Variants in SEC61A1 observed in about 807,000 individuals in gnomAD.
The protein encoded by SEC61A1 is protein transport protein Sec61 subunit alpha isoform 1.
SEC61A1 carries 15 observed loss-of-function variants against 55.2 expected under a neutral mutation model. The ratio of observed to expected loss-of-function variants is 0.27; its 90% CI spans 0.18 to 0.42. The LOEUF (loss-of-function observed/expected upper bound fraction) is 0.42. SEC61A1 is among the 10% of genes least tolerant of loss of function. The probability of loss-of-function intolerance (pLI) is 1.00; values close to 1 mark genes in which losing one functional copy is unlikely to be tolerated. For missense variants in SEC61A1, 284 were observed against 602.6 expected, an observed-to-expected ratio of 0.47 and a Z score of 5.53; for synonymous variants, 247 against 234.0, an observed-to-expected ratio of 1.06 and a Z score of -0.51.
At chr3:128,064,779 A>C in intron 7 of SEC61A1, 98 bp from the exon 8 acceptor site, 2 of 1,065,428 alleles carry the variant, frequency 1.9e-6, no homozygotes, top group South Asian at 3.1e-5. Flanking sequence ...CTAATAACTT[A>C]AGTTTGTTTT....
rs1049622401 is a variant in SEC61A1 at position 128,067,850 on chromosome 3, G to A, written c.1168-133G>A. 45 of 774,546 alleles carry A rather than the reference G, an allele frequency of 5.8e-5. No individual in the cohort carries two copies. The Middle Eastern group carries it at 9.5e-4, about 16-fold the overall frequency. The allele number at this position is 774,546 out of a possible 1,614,324, so 48.0% of individuals were successfully genotyped here. A position where few individuals can be genotyped will look rare whatever the true frequency, so the allele number is the denominator to read the frequency against. ...AGACTTTTTCATATGACTTCCTTGCGGCAGTTTTAAAGTTCTCTGTATGAA... is the reference window on the plus strand; with the variant it reads ...AGACTTTTTCATATGACTTCCTTGCAGCAGTTTTAAAGTTCTCTGTATGAA... On this transcript the variant is annotated intron_variant, in intron 10 of 11. Transcript: ENST00000243253. The surrounding 1 kb of genome is among the most constrained non-coding windows in gnomAD (Gnocchi z 4.1).
intron 2 of SEC61A1, 23 bp downstream of exon 2, chr3:128,052,925 AAAG>A: frequency 1.3e-6 from 2 of 1,595,976 alleles, no homozygotes; most frequent in Non-Finnish European, 1.7e-6. Context: ...AATCGCCAAC[AAAG>A]AAGGTTTCAG....
chr3:128,064,393 C>G (rs59766347), intron 7 of SEC61A1, among the ~76,000 whole-genome samples: 95,384 of 151,978 alleles, frequency 0.63, 30,056 homozygotes, highest in East Asian at 0.8. Context: ...GTAATCCCAA[C>G]ACTTTGGGAG....
chr3:128,057,884 G>GAAA (rs1941796579), intron 5 of SEC61A1, among the ~76,000 whole-genome samples: 2 of 151,902 alleles, frequency 1.3e-5, no homozygotes, highest in African/African-American at 4.8e-5. Flanking sequence ...TTTAACTGAA[G>GAAA]AAAAGGTGAT....
In SEC61A1 at chr3:128,067,672, G is replaced by C. The variant is rs1576426107; in HGVS notation, c.1167+60G>C. On this transcript the variant is annotated intron_variant, in intron 10 of 11. Transcript: ENST00000243253. This position sits in a 1 kb window ranked among gnomAD's most constrained non-coding sequence, Gnocchi z 4.1. Reference sequence around the variant, plus strand: ...AAAGTGTGACTGGTATAAGGGGTGTGGACTTGTCACCTCATCATAAATAAT... The same window carrying C: ...AAAGTGTGACTGGTATAAGGGGTGTCGACTTGTCACCTCATCATAAATAAT... 3 of 1,322,634 alleles carry C rather than the reference G, an allele frequency of 2.3e-6. No homozygotes were observed. The highest frequency in any genetic ancestry group is 3.2e-6 in the Non-Finnish European group (3 of 943,042). 81.9% of individuals were successfully genotyped at this position (1,322,634 alleles called of 1,614,324 possible).
chr3:128,066,918 G>A, intron 8 of SEC61A1, 36 bp from the exon 9 acceptor site: 1 of 1,605,490 alleles, frequency 6.2e-7, no homozygotes, highest in East Asian at 2.2e-5. Flanking sequence ...CTGAAATGAG[G>A]CAGTGAAGGG....
At chr3:128,052,250 C>T, upstream of SEC61A1, 1 of 308,410 alleles carries the variant, frequency 3.2e-6, no homozygotes, top group Admixed American at 5.3e-5. Flanking sequence ...GCCCCGCGCG[C>T]CAGGCCCCTT....
rs954700082 is a variant in SEC61A1, at chr3:128,069,536, T to C, written c.1305T>C (p.Ala435=). Residue 435 remains alanine, a synonymous_variant, in exon 12 of 12, where the codon GCT becomes GCC. Transcript: ENST00000243253. ...GLCIGALSVL[A]DFLGAIGSGT... ...GCATCGGGGCCCTCTCGGTCCTGGC[T>C]GACTTCCTAGGCGCCATTGGGTCTG... The C allele has an allele frequency of 1.9e-6, 3 of 1,614,088 alleles. No individual in the cohort carries two copies. In the East Asian group the frequency reaches 6.7e-5, roughly 36 times the overall value.
At chr3:128,060,303 T>G (rs1280816870) in intron 6 of SEC61A1, 92 bp downstream of exon 6, 4 of 1,128,246 alleles carry the variant, frequency 3.5e-6, no homozygotes, top group Non-Finnish European at 5.3e-6. Flanking sequence ...TAAAAGGAAC[T>G]CCTACTGAAA....
Position 128,071,657 on chromosome 3 carries a change from C to T in SEC61A1, c.*1995C>T, listed in dbSNP as rs937288068. 14 of 152,806 alleles carry T rather than the reference C, an allele frequency of 9.2e-5. No homozygotes were observed. The highest frequency in any genetic ancestry group is 2.9e-4 in the African/African-American group (12 of 41,590). The allele number at this position is 152,806 out of a possible 1,614,324, so 9.5% of individuals were successfully genotyped here. A position where few individuals can be genotyped will look rare whatever the true frequency, so the allele number is the denominator to read the frequency against. ...TAACTGAGATAAGGTGAATAAGTGA[C>T]AAATAAAGCCAGTTTTTTACAAGGT... On this transcript the variant is annotated 3_prime_UTR_variant, in exon 12 of 12. Coordinates refer to ENST00000243253, the MANE Select transcript of SEC61A1 (RefSeq NM_013336.4).
intron 7 of SEC61A1, among the ~76,000 whole-genome samples, chr3:128,061,356 T>A (rs1008512093): frequency 3.3e-5 from 5 of 152,202 alleles, no homozygotes; most frequent in African/African-American, 4.8e-5. Context: ...ATGTTTTTAA[T>A]AAAAAGTTCA....
At position 128,067,612 on chromosome 3, in the gene SEC61A1, T is replaced by C. The variant is rs756274422; in HGVS notation, c.1167T>C (p.Asp389=). 4 of 1,607,584 alleles carry C rather than the reference T, an allele frequency of 2.5e-6. No homozygotes were observed. The South Asian group carries it at 4.4e-5, about 18-fold the overall frequency. ...WIEVSGSSAK[D]VAKQLKEQQM... is the part of the protein sequence containing the mutation. ...AGGTCTCAGGTTCCTCTGCCAAAGA[T>C]GTAAGTAGAAGCAAAACTTTCTGGA... is the stretch of plus-strand genomic sequence containing the variant. Residue 389 remains aspartate, a splice_region_variant and synonymous_variant, in exon 10 of 12, where the codon GAT becomes GAC. Coordinates refer to ENST00000243253, the MANE Select transcript of SEC61A1 (RefSeq NM_013336.4). The surrounding 1 kb of genome is among the most constrained non-coding windows in gnomAD (Gnocchi z 4.1).
intron 11 of SEC61A1, 131 bp from the exon 12 acceptor site, chr3:128,069,345 G>A (rs1425536499): frequency 1.2e-6 from 1 of 852,900 alleles, no homozygotes; most frequent in Non-Finnish European, 1.8e-6. Flanking sequence ...CATGTTAGTA[G>A]ATGACTTTCT....
intron 5 of SEC61A1, among the ~76,000 whole-genome samples, chr3:128,058,720 T>C (rs554308576): frequency 6.6e-6 from 1 of 152,090 alleles, no homozygotes; most frequent in African/African-American, 2.4e-5. Context: ...AACAACAAAT[T>C]AGCCAAGTGT....
chr3:128,054,195 T>G (rs1411257320), intron 2 of SEC61A1, among the ~76,000 whole-genome samples: 1 of 152,184 alleles, frequency 6.6e-6, no homozygotes, highest in Non-Finnish European at 1.5e-5. Context: ...CAAGAATGGA[T>G]TTAGGGGCTA....
chr3:128,069,006 C>T (rs1031427058), intron 11 of SEC61A1: 1 of 152,620 alleles, frequency 6.6e-6, no homozygotes, highest in South Asian at 2.1e-4. Flanking sequence ...AGTTCATTCT[C>T]TTAATATTAA....
Position 128,067,646 on chromosome 3 carries a change from G to C in SEC61A1, c.1167+34G>C. 2 of 1,540,514 alleles carry C rather than the reference G, an allele frequency of 1.3e-6. No homozygotes were observed. Among genetic ancestry groups the C allele is most frequent in the Non-Finnish European group, 1.8e-6 (2 of 1,122,198 alleles). On this transcript the variant is annotated intron_variant, in intron 10 of 11. Coordinates refer to ENST00000243253, the MANE Select transcript of SEC61A1 (RefSeq NM_013336.4). This position sits in a 1 kb window ranked among gnomAD's most constrained non-coding sequence, Gnocchi z 4.1. ...AAGCAAAACTTTCTGGAAGGGTGATGAAAGTGTGACTGGTATAAGGGGTGT... is the reference window on the plus strand; with the variant it reads ...AAGCAAAACTTTCTGGAAGGGTGATCAAAGTGTGACTGGTATAAGGGGTGT...
At chr3:128,058,402 G>T (rs1488072711) in intron 5 of SEC61A1, among the ~76,000 whole-genome samples, 2 of 151,920 alleles carry the variant, frequency 1.3e-5, no homozygotes, top group Non-Finnish European at 2.9e-5. Context: ...TAAAGACGGG[G>T]TTTCACTGTG....
chr3:128,060,741 C>A, intron 7 of SEC61A1, 80 bp downstream of exon 7: 3 of 1,365,322 alleles, frequency 2.2e-6, no homozygotes, highest in South Asian at 2.8e-5. Context: ...ACAAAAATCC[C>A]CCCATTCCAC....
Sources: gnomAD v4.1 joint callset for allele counts (sites outside exome capture counted in the v4.1 genomes callset) on GRCh38, gnomAD v4.1.1 for gene constraint, Gnocchi (gnomAD v3.1) non-coding constraint, MANE v1.5 for transcripts, NCBI Gene and HGNC (gene_info 2026-07-23, HGNC 2026-07-21) for gene names.